DIAPH1: variants seen among roughly 807,000 people sequenced by gnomAD.
The protein encoded by DIAPH1 is protein diaphanous homolog 1.
A neutral mutation model predicts 140.7 loss-of-function variants in DIAPH1; 46 were observed. That is an observed-to-expected ratio of 0.33 (90% CI 0.26 to 0.42). DIAPH1 has a LOEUF of 0.42. DIAPH1 is among the 10% of genes least tolerant of loss of function. The probability of loss-of-function intolerance (pLI) is 1.00; values close to 1 mark genes in which losing one functional copy is unlikely to be tolerated. For missense variants in DIAPH1, 1,310 were observed against 1,558.7 expected, an observed-to-expected ratio of 0.84 and a Z score of 2.69; for synonymous variants, 565 against 551.6, an observed-to-expected ratio of 1.02 and a Z score of -0.34.
At position 141,579,238 on chromosome 5, in the gene DIAPH1, G is replaced by A. The variant is rs760531322; in HGVS notation, c.825-42C>T. On this transcript the variant is annotated intron_variant, in intron 8 of 27. Coordinates refer to ENST00000389054, the MANE Select transcript of DIAPH1 (RefSeq NM_005219.5). ...AAACGGAGAGAACTTTCCAGGTACT[G>A]TGACACGGACACGTATAATGAGTAA... The A allele has an allele frequency of 9.6e-6, 14 of 1,455,770 alleles. No individual in the cohort carries two copies. The South Asian group carries it at 1.5e-4, about 15-fold the overall frequency. 90.2% of individuals were successfully genotyped at this position (1,455,770 alleles called of 1,614,324 possible). A position where few individuals can be genotyped will look rare whatever the true frequency, so the allele number is the denominator to read the frequency against.
At chr5:141,532,930 C>T (rs2099888455) in intron 19 of DIAPH1, among the ~76,000 whole-genome samples, 1 of 152,180 alleles carries the variant, frequency 6.6e-6, no homozygotes, top group East Asian at 1.9e-4. Flanking sequence ...GAGGAACTGA[C>T]TCACAATACT....
intron 18 of DIAPH1, chr5:141,557,797 G>C (rs757116219): frequency 7.2e-5 from 11 of 152,256 alleles, no homozygotes; most frequent in Non-Finnish European, 1.6e-4. Context: ...GATTGCTCAG[G>C]ATGCAGGCAG....
At chr5:141,599,958 G>A (rs904010568) in intron 1 of DIAPH1, among the ~76,000 whole-genome samples, 2 of 152,088 alleles carry the variant, frequency 1.3e-5, no homozygotes, top group Non-Finnish European at 2.9e-5. Flanking sequence ...GAACTCCTGA[G>A]CTCCAGCAAT....
chr5:141,529,441 T>C (rs1411566487), intron 20 of DIAPH1, among the ~76,000 whole-genome samples, 162 bp downstream of exon 20: 1 of 152,060 alleles, frequency 6.6e-6, no homozygotes, highest in African/African-American at 2.4e-5. Flanking sequence ...TTTTGCAAAA[T>C]ATACCAGAAG....
chr5:141,615,437 G>GA (rs1013629826), intron 1 of DIAPH1, among the ~76,000 whole-genome samples: 7,942 of 46,424 alleles, frequency 0.17, 314 homozygotes, highest in Non-Finnish European at 0.2. Flanking sequence ...CTCAGAAAAA[G>GA]AAAAAAAAAA....
At position 141,618,861 on chromosome 5, in the gene DIAPH1, C is replaced by G; in HGVS notation, c.54G>C (p.Lys18Asn). Residue 18 changes from lysine (K) to asparagine (N), a missense_variant, in exon 1 of 28, where the codon AAG becomes AAC. Coordinates refer to ENST00000389054, the MANE Select transcript of DIAPH1 (RefSeq NM_005219.5). ...GCAGCTCATCTGGGCTCCGGCCCTT[C>G]TTCTTGTCCCGGGTCCCGCGGCCGG... ...LGPGRGTRDK[K>N]KGRSPDELPS... is the part of the protein sequence containing the mutation. The G allele has an allele frequency of 6.5e-7, 1 of 1,530,856 alleles. No homozygotes were observed. The highest frequency in any genetic ancestry group is 8.8e-7 in the Non-Finnish European group (1 of 1,138,726). The allele number at this position is 1,530,856 out of a possible 1,614,324, so 94.8% of individuals were successfully genotyped here.
At chr5:141,548,083 TAGCTTCTCAGGA>T (rs1321106947) in intron 18 of DIAPH1, among the ~76,000 whole-genome samples, 3 of 152,034 alleles carry the variant, frequency 2.0e-5, no homozygotes, top group Admixed American at 2.0e-4. Context: ...CTTGTAGTCC[TAGCTTCTCAGGA>T]AGCTGAGGTA....
At chr5:141,519,518 G>C (rs2099886205) in intron 27 of DIAPH1, among the ~76,000 whole-genome samples, 1 of 152,206 alleles carries the variant, frequency 6.6e-6, no homozygotes, top group Non-Finnish European at 1.5e-5. Context: ...TAGGTCTTTA[G>C]CTGCTGCTTT....
chr5:141,592,010 A>AG (rs1339853403), intron 1 of DIAPH1, among the ~76,000 whole-genome samples: 1 of 149,464 alleles, frequency 6.7e-6, no homozygotes. Context: ...TGAACCCGGG[A>AG]GGCGGAGGTT....
At chr5:141,530,463 C>A (rs181021367) in intron 19 of DIAPH1, among the ~76,000 whole-genome samples, 40 of 152,304 alleles carry the variant, frequency 2.6e-4, no homozygotes, top group Admixed American at 2.3e-3. Context: ...CATTTCATTT[C>A]TCTACTCTGA....
At chr5:141,547,008 C>T (rs1388222560) in intron 18 of DIAPH1, among the ~76,000 whole-genome samples, 1 of 152,132 alleles carries the variant, frequency 6.6e-6, no homozygotes, top group Non-Finnish European at 1.5e-5. Context: ...GGATCATTTG[C>T]CCAAAGTTCA....
In DIAPH1 at chr5:141,527,617, G is replaced by A. The variant is rs1443399410; in HGVS notation, c.3229C>T (p.Pro1077Ser). 6.2e-7 allele frequency: 1 copy of A among 1,609,516 alleles called. No homozygotes were observed. Among genetic ancestry groups the A allele is most frequent in the South Asian group, 1.1e-5 (1 of 90,930 alleles). The change falls in exon 24 of 28, where the codon CCA becomes TCA. Residue 1077 changes from proline to serine, a missense_variant. Pro to Ser is a moderately conservative substitution (Grantham distance 74, BLOSUM62 -1). This residue lies in a region of DIAPH1 where 344 missense variants were observed against 512.2 expected (regional missense o/e 0.67). Coordinates refer to ENST00000389054, the MANE Select transcript of DIAPH1 (RefSeq NM_005219.5). The part of the protein sequence containing the change: ...SDVERDVQNF[P>S]AATDEKDKFV... ...TTGTCTTTTTCATCTGTGGCAGCTG[G>A]GAAATTCTGAACATCACGTTCCACA... is the stretch of plus-strand genomic sequence containing the variant.
chr5:141,585,677 G>A (rs927925961), intron 3 of DIAPH1, among the ~76,000 whole-genome samples: 11 of 152,252 alleles, frequency 7.2e-5, no homozygotes, highest in African/African-American at 2.6e-4. Flanking sequence ...GTGTCCACCT[G>A]TAATCCCAGC....
intron 1 of DIAPH1, among the ~76,000 whole-genome samples, chr5:141,601,572 G>A (rs2099900148): frequency 6.6e-6 from 1 of 152,168 alleles, no homozygotes; most frequent in Non-Finnish European, 1.5e-5. Context: ...TGACAGGCGT[G>A]AGCCACCGCA....
At position 141,516,624 on chromosome 5, in the gene DIAPH1, T is replaced by C; in HGVS notation, c.*227A>G. On this transcript the variant is annotated 3_prime_UTR_variant, in exon 28 of 28. Transcript: ENST00000389054. ...GCTTTGGTAATACAACAGCCAGGGC[T>C]GGCTAAGTCGGGCTCAGGCCTCCCC... is the stretch of plus-strand genomic sequence containing the variant. 6.8e-6 allele frequency: 4 copies of C among 589,860 alleles called. No individual in the cohort carries two copies. Among genetic ancestry groups the C allele is most frequent in the Non-Finnish European group, 1.2e-5 (4 of 329,616 alleles). The allele number at this position is 589,860 out of a possible 1,614,324, so 36.5% of individuals were successfully genotyped here. A position where few individuals can be genotyped will look rare whatever the true frequency, so the allele number is the denominator to read the frequency against.
chr5:141,565,319 C>A lies in DIAPH1; in HGVS notation c.2482+6109G>T, dbSNP rs1023424114. The A allele has an allele frequency of 2.0e-5, 3 of 152,020 alleles. No homozygotes were observed. Among genetic ancestry groups the A allele is most frequent in the African/African-American group, 7.2e-5 (3 of 41,396 alleles). 9.4% of individuals were successfully genotyped at this position (152,020 alleles called of 1,614,324 possible). ...GCCCCTTTTCCAGTAAAGTTTTATT[C>A]AAAAATTTACCTTTCTCACTTGAAC... On this transcript the variant is annotated intron_variant, in intron 18 of 27. Transcript: ENST00000389054. This position sits in a 1 kb window ranked among gnomAD's most constrained non-coding sequence, Gnocchi z 4.3.
At chr5:141,592,289 A>G (rs10053313) in intron 1 of DIAPH1, among the ~76,000 whole-genome samples, 5,880 of 152,124 alleles carry the variant, frequency 0.039, 142 homozygotes, top group South Asian at 0.075. Context: ...TACAACACTC[A>G]AACAGCAAGC....
chr5:141,571,533 A>T, intron 17 of DIAPH1, 97 bp from the exon 18 acceptor site: 1 of 1,027,934 alleles, frequency 9.7e-7, no homozygotes, highest in Non-Finnish European at 1.5e-6. Context: ...TACTGTAGAC[A>T]GTCACTCAGT....
At chr5:141,531,469 C>T (rs1215740635) in intron 19 of DIAPH1, among the ~76,000 whole-genome samples, 1 of 151,956 alleles carries the variant, frequency 6.6e-6, no homozygotes, top group Non-Finnish European at 1.5e-5. Context: ...TGCGGCACCA[C>T]ATCTGGCTAG....
Sources: gnomAD v4.1 joint callset for allele counts (sites outside exome capture counted in the v4.1 genomes callset) on GRCh38, gnomAD v4.1.1 for gene constraint, gnomAD v4.1.1 regional missense constraint, Gnocchi (gnomAD v3.1) non-coding constraint, MANE v1.5 for transcripts, NCBI Gene and HGNC (gene_info 2026-07-23, HGNC 2026-07-21) for gene names.